The following NR3C1 variants were observed in gnomAD, a reference collection of about 807,000 sequenced individuals.
NR3C1 encodes the protein glucocorticoid receptor.
A neutral mutation model predicts 74.0 loss-of-function variants in NR3C1; 14 were observed. That is an observed-to-expected ratio of 0.19 (90% CI 0.12 to 0.30). The LOEUF (loss-of-function observed/expected upper bound fraction) is 0.30. Ranked by LOEUF, NR3C1 falls within the 10% of genes least tolerant of loss-of-function variation. NR3C1 has a pLI of 1.00. For synonymous variants in NR3C1, 308 were observed against 332.5 expected, an observed-to-expected ratio of 0.93 and a Z score of 0.80; for missense variants, 695 against 909.8, an observed-to-expected ratio of 0.76 and a Z score of 3.04.
chr5:143,333,566 G>A lies in NR3C1; in HGVS notation c.1185-19398C>T, dbSNP rs1313963544. Among the ~76,000 whole-genome samples, 4 of 152,130 alleles carry A rather than the reference G, an allele frequency of 2.6e-5. No individual in the cohort carries two copies. The South Asian group carries it at 6.2e-4, about 24-fold the overall frequency. ...GGGCAGACCATGAGGTCAGGAGATT[G>A]AGACCATCCTGGCCAACATGGTGAA... On this transcript the variant is annotated intron_variant, in intron 2 of 8. Transcript: ENST00000394464.
At chr5:143,295,613 T>A in intron 6 of NR3C1, 23 bp from the exon 7 acceptor site, 1 of 1,597,678 alleles carries the variant, frequency 6.3e-7, no homozygotes, top group Non-Finnish European at 8.6e-7. Flanking sequence ...AATAGCAGGG[T>A]ATTAGTTAGA....
At chr5:143,363,176 T>C (rs1273593242) in intron 2 of NR3C1, among the ~76,000 whole-genome samples, 1 of 152,216 alleles carries the variant, frequency 6.6e-6, no homozygotes, top group Admixed American at 6.5e-5. Context: ...TGTTAATTAT[T>C]AGGTGACCAC....
intron 2 of NR3C1, among the ~76,000 whole-genome samples, chr5:143,361,825 A>G (rs1200660945): frequency 6.6e-6 from 1 of 152,236 alleles, no homozygotes; most frequent in African/African-American, 2.4e-5. Flanking sequence ...ACTTATGACA[A>G]TTGAGGACCA....
chr5:143,400,551 CT>C lies in NR3C1; in HGVS notation c.288del (p.Val97Ter). ...MGLYMGETET[K>X]VMGNDLGFPQ... ...GGGAATCCCAGGTCATTTCCCATCA[CT>C]TTTGTTTCTGTCTCTCCCATATACA... On this transcript the variant is annotated frameshift_variant, in exon 2 of 9. Coordinates refer to ENST00000394464, the MANE Select transcript of NR3C1 (RefSeq NM_000176.3). LOFTEE classifies it high-confidence loss of function. 6.2e-7 allele frequency: 1 copy of C among 1,614,244 alleles called. No homozygotes were observed. The highest frequency in any genetic ancestry group is 1.3e-5 in the African/African-American group (1 of 75,056).
intron 1 of NR3C1, among the ~76,000 whole-genome samples, chr5:143,410,883 C>G (rs1325462969): frequency 1.3e-5 from 2 of 152,110 alleles, no homozygotes; most frequent in African/African-American, 2.4e-5. Flanking sequence ...CAGTAGTGCA[C>G]CGGAAACAAT....
chr5:143,310,918 T>C (rs1039492778), intron 3 of NR3C1, among the ~76,000 whole-genome samples: 3 of 152,082 alleles, frequency 2.0e-5, no homozygotes, highest in Non-Finnish European at 4.4e-5. Context: ...GGCCTCCCGA[T>C]GTGCTGGGAT....
chr5:143,292,272 T>C (rs1450959231), intron 7 of NR3C1, among the ~76,000 whole-genome samples: 1 of 152,162 alleles, frequency 6.6e-6, no homozygotes, highest in Non-Finnish European at 1.5e-5. Flanking sequence ...ACTGTTATTT[T>C]ATCCTGGAGC....
chr5:143,403,265 G>C lies in NR3C1; in HGVS notation c.-68C>G. ...CGTCCGCAGTTCCCGCCGCAGCCGAGATAAACAACTTAGCTTGTGAACGCA... is the reference window on the plus strand; with the variant it reads ...CGTCCGCAGTTCCCGCCGCAGCCGACATAAACAACTTAGCTTGTGAACGCA... On this transcript the variant is annotated 5_prime_UTR_variant, in exon 1 of 9. The change creates a new upstream start codon in the 5' untranslated region. Transcript: ENST00000394464. The C allele has an allele frequency of 1.0e-6, 1 of 985,532 alleles. No homozygotes were observed. The highest frequency in any genetic ancestry group is 1.2e-6 in the Non-Finnish European group (1 of 830,060). 61.0% of individuals were successfully genotyped at this position (985,532 alleles called of 1,614,324 possible). A position where few individuals can be genotyped will look rare whatever the true frequency, so the allele number is the denominator to read the frequency against.
At chr5:143,395,467 A>T (rs922552929) in intron 2 of NR3C1, among the ~76,000 whole-genome samples, 1 of 151,914 alleles carries the variant, frequency 6.6e-6, no homozygotes, top group African/African-American at 2.4e-5. Flanking sequence ...ATGACTCAGA[A>T]ATATGAAAAC....
At chr5:143,379,901 T>C (rs1486776914) in intron 2 of NR3C1, among the ~76,000 whole-genome samples, 1 of 152,164 alleles carries the variant, frequency 6.6e-6, no homozygotes, top group Non-Finnish European at 1.5e-5. Flanking sequence ...TAATAAATGG[T>C]TGTTATTTTA....
intron 1 of NR3C1, among the ~76,000 whole-genome samples, chr5:143,425,897 T>A (rs1372638796): frequency 6.6e-6 from 1 of 152,154 alleles, no homozygotes. Context: ...AGAAATAACA[T>A]GTCTGCCCAA....
intron 1 of NR3C1, among the ~76,000 whole-genome samples, chr5:143,431,502 G>T (rs1384246904): frequency 1.3e-5 from 2 of 152,038 alleles, no homozygotes; most frequent in Non-Finnish European, 2.9e-5. Flanking sequence ...GTCAGGGGGT[G>T]GGGGGTAAGG....
upstream of NR3C1, chr5:143,404,495 C>T (rs1194648573): frequency 4.1e-6 from 4 of 982,522 alleles, no homozygotes; most frequent in Non-Finnish European, 4.8e-6. Context: ...AAAGCAGAAC[C>T]CACCCTCCCC....
At chr5:143,291,036 T>C (rs1815810052) in intron 7 of NR3C1, among the ~76,000 whole-genome samples, 1 of 152,186 alleles carries the variant, frequency 6.6e-6, no homozygotes, top group South Asian at 2.1e-4. Context: ...CCCCCAATGG[T>C]TTGGTACTTT....
At chr5:143,389,432 T>C (rs1030779058) in intron 2 of NR3C1, among the ~76,000 whole-genome samples, 3 of 152,180 alleles carry the variant, frequency 2.0e-5, no homozygotes, top group African/African-American at 4.8e-5. Flanking sequence ...CCAGTGTCCA[T>C]AGAGAAACAC....
At chr5:143,370,252 C>T (rs1834006346) in intron 2 of NR3C1, among the ~76,000 whole-genome samples, 1 of 152,126 alleles carries the variant, frequency 6.6e-6, no homozygotes, top group African/African-American at 2.4e-5. Context: ...ATTATGATTG[C>T]TCTCTTTAGC....
upstream of NR3C1, chr5:143,404,129 T>A: frequency 1.0e-6 from 1 of 985,306 alleles, no homozygotes; most frequent in Non-Finnish European, 1.2e-6. Flanking sequence ...GCGCCGCCAG[T>A]GCCCCTGCGG....
At position 143,403,534 on chromosome 5, in the gene NR3C1, C is replaced by G; in HGVS notation, c.-337G>C. ...TCTCCTTCCACCCACAGAATCCGTC[C>G]CCGACGGGCAGGCGGTGACTCGGGC... On this transcript the variant is annotated 5_prime_UTR_variant, in exon 1 of 9. Transcript: ENST00000394464. 1.0e-6 allele frequency: 1 copy of G among 985,646 alleles called. No homozygotes were observed. Among genetic ancestry groups the G allele is most frequent in the Non-Finnish European group, 1.2e-6 (1 of 830,158 alleles). The allele number at this position is 985,646 out of a possible 1,614,324, so 61.1% of individuals were successfully genotyped here.
chr5:143,279,506 A>T lies in NR3C1; in HGVS notation c.*2383T>A, dbSNP rs1029248922. 7.8e-7 allele frequency: 1 copy of T among 1,279,038 alleles called. No individual in the cohort carries two copies. Among genetic ancestry groups the T allele is most frequent in the African/African-American group, 1.6e-5 (1 of 64,080 alleles). The allele number at this position is 1,279,038 out of a possible 1,614,324, so 79.2% of individuals were successfully genotyped here. A position where few individuals can be genotyped will look rare whatever the true frequency, so the allele number is the denominator to read the frequency against. On this transcript the variant is annotated 3_prime_UTR_variant, in exon 9 of 9. Coordinates refer to ENST00000394464, the MANE Select transcript of NR3C1 (RefSeq NM_000176.3). The stretch of plus-strand genomic sequence containing the variant: ...TTCAAGCAGTTTTCTTAGGCACCAA[A>T]AATTTATCCAGCCGGGTTACACACC...
Sources: allele counts gnomAD v4.1 joint callset (sites outside exome capture counted in the v4.1 genomes callset), GRCh38; gene constraint gnomAD v4.1.1; transcripts MANE v1.5; gene names NCBI Gene and HGNC (gene_info 2026-07-23, HGNC 2026-07-21).